PWWP2A: variants seen among roughly 807,000 people sequenced by gnomAD.
The protein encoded by PWWP2A is PWWP domain containing 2A.
PWWP2A carries 18 observed loss-of-function variants against 48.5 expected under a neutral mutation model. The observed-to-expected ratio is 0.37, with a 90% CI of 0.26 to 0.55. PWWP2A has a LOEUF of 0.55. PWWP2A is among the 20% of genes least tolerant of loss of function. The probability of loss-of-function intolerance (pLI) is 0.81; values close to 1 mark genes in which losing one functional copy is unlikely to be tolerated. For missense variants in PWWP2A, 867 were observed against 976.4 expected (o/e 0.89, Z 1.49); for synonymous variants, 396 against 387.7 (o/e 1.02, Z -0.25).
At chr5:160,064,264 C>A (rs1455822943) in intron 4 of PWWP2A, among the ~76,000 whole-genome samples, 2 of 152,178 alleles carry the variant, frequency 1.3e-5, no homozygotes, top group African/African-American at 4.8e-5. Context: ...CCACCACGCC[C>A]ATCCTATATA....
chr5:160,065,421 G>T (rs1227590367), intron 4 of PWWP2A: 2 of 470,812 alleles, frequency 4.2e-6, no homozygotes, highest in South Asian at 3.1e-5. Context: ...TTGGTTGGGA[G>T]ACTGCCCAGA....
chr5:160,119,060 C>T lies in PWWP2A; in HGVS notation c.329G>A (p.Gly110Glu). ...AESAAAAPQG[G>E]PELPPSPASP... The stretch of plus-strand genomic sequence containing the variant: ...TGCAGGAGAAGGTGGAAGTTCCGGC[C>T]CTCCCTGAGGCGCGGCTGCCGCCGA... The change falls in exon 1 of 2, where the codon GGG (glycine) becomes GAG (glutamate). Residue 110 changes from glycine (G) to glutamate (E), a missense_variant. Gly to Glu is a moderately conservative substitution (Grantham distance 98). Transcript: ENST00000307063. 1 of 1,591,996 alleles carries T rather than the reference C, an allele frequency of 6.3e-7. No homozygotes were observed. The highest frequency in any genetic ancestry group is 1.1e-5 in the South Asian group (1 of 90,364).
In PWWP2A at chr5:160,093,282, G is replaced by C; in HGVS notation, c.1368C>G (p.Val456=). ...TSTSKNAHSK[V]HFTRRYQNPS... ...GATTCTGATATCGACGTGTGAAATG[G>C]ACTTTTGAATGTGCATTTTTGGAAG... Residue 456 remains valine (V), a synonymous_variant, in exon 2 of 2, where the codon GTC becomes GTG. Coordinates refer to ENST00000307063, the MANE Select transcript of PWWP2A (RefSeq NM_001130864.2). This position sits in a 1 kb window ranked among gnomAD's most constrained non-coding sequence, Gnocchi z 5.8. 1 of 1,613,974 alleles carries C rather than the reference G, an allele frequency of 6.2e-7. No individual in the cohort carries two copies. The highest frequency in any genetic ancestry group is 8.5e-7 in the Non-Finnish European group (1 of 1,179,892).
downstream of PWWP2A, chr5:160,091,040 G>A (rs1755015295): frequency 1.0e-5 from 10 of 984,746 alleles, no homozygotes; most frequent in Non-Finnish European, 1.2e-5. Flanking sequence ...AAAAAAGGAA[G>A]CATGTGATGA....
At chr5:160,067,867 A>G (rs888429139) in intron 2 of PWWP2A, among the ~76,000 whole-genome samples, 1 of 152,202 alleles carries the variant, frequency 6.6e-6, no homozygotes, top group African/African-American at 2.4e-5. Context: ...GTATTTGCCT[A>G]TTGCTGCTAG....
At chr5:160,113,387 C>T in intron 1 of PWWP2A, 1 of 951,150 alleles carries the variant, frequency 1.1e-6, no homozygotes, top group Non-Finnish European at 1.3e-6. Context: ...CAAAAGCAGA[C>T]TCTTAGTCAT....
At chr5:160,053,381 T>C in the PWWP2A span, among the ~76,000 whole-genome samples, 1 of 152,118 alleles carries the variant, frequency 6.6e-6, no homozygotes, top group Non-Finnish European at 1.5e-5. Flanking sequence ...AAGACCAGCC[T>C]GGGCAACATG....
intron 1 of PWWP2A, chr5:160,116,694 G>T (rs1395713363): frequency 2.2e-5 from 22 of 984,886 alleles, no homozygotes; most frequent in Non-Finnish European, 2.5e-5. Context: ...CTTACCTTCT[G>T]CACCTTCCTT....
In PWWP2A at chr5:160,079,525, T is replaced by C. The variant is rs145066903; in HGVS notation, c.1669+1126A>G. Among the ~76,000 whole-genome samples the C allele has an allele frequency of 6.8e-4, 103 of 152,316 alleles. 1 individual carries two copies. Among genetic ancestry groups the C allele is most frequent in the African/African-American group, 2.4e-3 (101 of 41,558 alleles). ...AAACTAAGATACTGTACTAATATGATTGCAATACTAATAGATTAAGGCTCA... is the reference window on the plus strand; with the variant it reads ...AAACTAAGATACTGTACTAATATGACTGCAATACTAATAGATTAAGGCTCA... On this transcript the variant is annotated intron_variant, in intron 3 of 3. Coordinates refer to the PWWP2A transcript ENST00000456329.
downstream of PWWP2A, among the ~76,000 whole-genome samples, chr5:160,087,379 CAAAAA>C (rs527692100): frequency 1.1e-5 from 1 of 90,526 alleles, no homozygotes; most frequent in Non-Finnish European, 2.2e-5. Flanking sequence ...GACCCTATCT[CAAAAA>C]AAAAAAAAAA....
At chr5:160,044,909 G>T in the PWWP2A span, among the ~76,000 whole-genome samples, 2 of 152,020 alleles carry the variant, frequency 1.3e-5, no homozygotes, top group Admixed American at 6.6e-5. Flanking sequence ...CTCTCTACTG[G>T]CTTTCTTTTC....
At chr5:160,051,374 A>C in the PWWP2A span, among the ~76,000 whole-genome samples, 1 of 152,186 alleles carries the variant, frequency 6.6e-6, no homozygotes, top group East Asian at 1.9e-4. Flanking sequence ...TTTGGAAACC[A>C]GATTTCCTTT....
chr5:160,050,259 C>A, the PWWP2A span, among the ~76,000 whole-genome samples: 1 of 152,106 alleles, frequency 6.6e-6, no homozygotes, highest in Non-Finnish European at 1.5e-5. Context: ...ACCAGCCTGA[C>A]CAACATGGAG....
intron 1 of PWWP2A, among the ~76,000 whole-genome samples, chr5:160,109,191 C>G (rs1394646398): frequency 2.0e-5 from 3 of 152,078 alleles, no homozygotes; most frequent in Admixed American, 6.6e-5. Context: ...GCCATGTTGG[C>G]CAGGCTGGTC....
At chr5:160,061,360 A>G (rs1015992070), downstream of PWWP2A, among the ~76,000 whole-genome samples, 4 of 152,288 alleles carry the variant, frequency 2.6e-5, no homozygotes, top group East Asian at 7.7e-4. Flanking sequence ...TGACTCTCGT[A>G]GCATTTTATA....
intron 1 of PWWP2A, among the ~76,000 whole-genome samples, chr5:160,117,569 A>C (rs1225296956): frequency 1.3e-5 from 2 of 152,128 alleles, no homozygotes; most frequent in Non-Finnish European, 2.9e-5. Context: ...AGGCGGGAGA[A>C]TCGCTTGAAC....
At chr5:160,098,563 TA>T (rs1354214155) in intron 1 of PWWP2A, among the ~76,000 whole-genome samples, 6 of 152,154 alleles carry the variant, frequency 3.9e-5, no homozygotes, top group Admixed American at 3.3e-4. Flanking sequence ...ATGATTAAAA[TA>T]AAATCAGAGT....
intron 1 of PWWP2A, among the ~76,000 whole-genome samples, chr5:160,101,927 T>C (rs942317731): frequency 3.3e-5 from 5 of 151,100 alleles, no homozygotes; most frequent in African/African-American, 9.8e-5. Flanking sequence ...CTGGCCAACA[T>C]GGCAAAATCC....
intron 1 of PWWP2A, among the ~76,000 whole-genome samples, chr5:160,095,047 C>CAAAAAAAA (rs70987998): frequency 0.022 from 667 of 30,884 alleles, 206 homozygotes; most frequent in Non-Finnish European, 0.024. Flanking sequence ...GACTCTGTCT[C>CAAAAAAAA]AAAAAAAAAA....
Sources: allele counts gnomAD v4.1 joint callset (sites outside exome capture counted in the v4.1 genomes callset), GRCh38; gene constraint gnomAD v4.1.1; non-coding constraint Gnocchi (gnomAD v3.1); transcripts MANE v1.5; gene names NCBI Gene and HGNC (gene_info 2026-07-23, HGNC 2026-07-21).